Variants in BEST3 observed in about 807,000 individuals in gnomAD.
BEST3 encodes the protein bestrophin-3.
BEST3 carries 50 observed loss-of-function variants against 47.1 expected under a neutral mutation model. The ratio of observed to expected loss-of-function variants is 1.06; its 90% CI spans 0.85 to 1.34. The LOEUF (loss-of-function observed/expected upper bound fraction) is 1.34. Among genes scored for constraint, BEST3 ranks in the 40% most tolerant of loss-of-function variants. BEST3 has a pLI of 0.00. For missense variants in BEST3, 765 were observed against 817.0 expected (o/e 0.94, Z 0.78); for synonymous variants, 282 against 298.8 (o/e 0.94, Z 0.58).
chr12:69,683,364 G>C (rs924084557), intron 4 of BEST3: 4 of 152,204 alleles, frequency 2.6e-5, no homozygotes, highest in Non-Finnish European at 5.9e-5. Flanking sequence ...ATTCCTTGCA[G>C]GGTCACACAT....
chr12:69,693,152 T>C (rs957723743), intron 4 of BEST3, among the ~76,000 whole-genome samples: 1 of 152,200 alleles, frequency 6.6e-6, no homozygotes, highest in Non-Finnish European at 1.5e-5. Context: ...CCATGTCTTA[T>C]TCATCTTTGT....
chr12:69,678,634 AACCAGGACTGAAC>A (rs1225852132), intron 5 of BEST3, 92 bp downstream of exon 5: 1 of 1,098,872 alleles, frequency 9.1e-7, no homozygotes, highest in East Asian at 2.4e-5. Flanking sequence ...GTTCCTCTGG[AACCAGGACTGAAC>A]AAAGCTGACT....
intron 9 of BEST3, among the ~76,000 whole-genome samples, chr12:69,669,365 T>A (rs1348046389): frequency 2.0e-5 from 3 of 152,194 alleles, no homozygotes; most frequent in Admixed American, 6.5e-5. Context: ...GAGTTAAACC[T>A]CTCACAAAAC....
intron 9 of BEST3, among the ~76,000 whole-genome samples, chr12:69,665,114 A>G (rs1414432796): frequency 2.7e-4 from 30 of 109,254 alleles, no homozygotes; most frequent in South Asian, 2.1e-3. Flanking sequence ...ATTCAGTAAA[A>G]GGGATGCCAA....
rs556841871 is a variant in BEST3, at chr12:69,654,399, T to G, written c.*508A>C. ...ACAATAATAGTTATAAAAGTAGGAA[T>G]GAGATGGTTAGAAAGCCTCAAACAA... On this transcript the variant is annotated 3_prime_UTR_variant, in exon 10 of 10. Coordinates refer to ENST00000330891, the MANE Select transcript of BEST3 (RefSeq NM_032735.3). 1.9e-5 allele frequency: 19 copies of G among 985,490 alleles called. No homozygotes were observed. In the African/African-American group the frequency reaches 3.3e-4, roughly 17 times the overall value. The allele number at this position is 985,490 out of a possible 1,614,324, so 61.0% of individuals were successfully genotyped here.
intron 9 of BEST3, among the ~76,000 whole-genome samples, chr12:69,663,331 T>C (rs1233446891): frequency 6.6e-6 from 1 of 152,252 alleles, no homozygotes; most frequent in Non-Finnish European, 1.5e-5. Flanking sequence ...AATTTAAGCA[T>C]TTAAAATTTC....
chr12:69,688,777 G>A (rs1885785066), intron 4 of BEST3, among the ~76,000 whole-genome samples: 1 of 152,164 alleles, frequency 6.6e-6, no homozygotes, highest in South Asian at 2.1e-4. Flanking sequence ...AAAGCCCATT[G>A]CTTCCCAGAG....
At chr12:69,643,871 G>A (rs1593119956) in intron 9 of BEST3, 1 of 570,468 alleles carries the variant, frequency 1.8e-6, no homozygotes, top group South Asian at 2.5e-5. Context: ...AACTCACAGA[G>A]TTGAATTCAC....
At chr12:69,656,280 C>A (rs982165312) in intron 9 of BEST3, among the ~76,000 whole-genome samples, 36 of 152,124 alleles carry the variant, frequency 2.4e-4, no homozygotes, top group African/African-American at 8.7e-4. Flanking sequence ...TCTTAGGGAT[C>A]CCCAGATATC....
intron 3 of BEST3, 23 bp downstream of exon 3, chr12:69,694,347 A>G (rs1468130973): frequency 6.8e-7 from 1 of 1,472,076 alleles, no homozygotes; most frequent in Non-Finnish European, 9.4e-7. Flanking sequence ...TGTGGCTGCA[A>G]TCTGCGTGTG....
At chr12:69,644,541 A>C (rs1882972450) in intron 9 of BEST3, among the ~76,000 whole-genome samples, 1 of 152,054 alleles carries the variant, frequency 6.6e-6, no homozygotes, top group Non-Finnish European at 1.5e-5. Context: ...AGAATAAGTA[A>C]CTCTATTTTA....
At chr12:69,679,914 C>CATGTGT (rs59652798) in intron 4 of BEST3, among the ~76,000 whole-genome samples, 5 of 150,140 alleles carry the variant, frequency 3.3e-5, no homozygotes, top group Admixed American at 6.6e-5. Context: ...TGTATGCATG[C>CATGTGT]GTGTGTGTGT....
intron 9 of BEST3, among the ~76,000 whole-genome samples, chr12:69,657,697 T>C (rs1744932532): frequency 6.6e-6 from 1 of 152,124 alleles, no homozygotes; most frequent in South Asian, 2.1e-4. Context: ...AAGGAGAACA[T>C]TGGGACAGTA....
chr12:69,678,954 A>AT, intron 4 of BEST3, 61 bp from the exon 5 acceptor site: 3 of 1,315,678 alleles, frequency 2.3e-6, no homozygotes, highest in Non-Finnish European at 3.2e-6. Context: ...ATACGTTACC[A>AT]TATTTCAGCA....
intron 2 of BEST3, 79 bp from the exon 3 acceptor site, chr12:69,694,543 CA>C (rs1886064304): frequency 8.3e-6 from 5 of 599,560 alleles, no homozygotes; most frequent in Non-Finnish European, 1.3e-5. Context: ...TAAGTGCAAA[CA>C]ATTAAGCACA....
intron 8 of BEST3, 110 bp from the exon 9 acceptor site, chr12:69,671,689 G>A (rs1250696940): frequency 2.1e-6 from 2 of 942,360 alleles, no homozygotes; most frequent in African/African-American, 3.3e-5. Context: ...GTCTAAATGA[G>A]TGAATATACA....
intron 7 of BEST3, among the ~76,000 whole-genome samples, chr12:69,673,878 C>A (rs1375235761): frequency 3.3e-5 from 5 of 152,132 alleles, no homozygotes; most frequent in African/African-American, 1.2e-4. Flanking sequence ...AGTTTTCCTG[C>A]CGGGAAAATG....
In BEST3 at chr12:69,688,365, C is replaced by T. The variant is rs1667305527; in HGVS notation, c.481+5309G>A. 2.6e-5 allele frequency among the ~76,000 whole-genome samples: 4 copies of T among 152,210 alleles called. No homozygotes were observed. In the South Asian group the frequency reaches 8.3e-4, roughly 32 times the overall value. ...TCTCTGATAAATAACTGATCACAGA[C>T]CAGTTCAGGGACTTTTCAGCATAAT... is the stretch of plus-strand genomic sequence containing the variant. On this transcript the variant is annotated intron_variant, in intron 4 of 9. Coordinates refer to ENST00000330891, the MANE Select transcript of BEST3 (RefSeq NM_032735.3).
rs759429996 is a variant in BEST3, at chr12:69,693,854, G to C, written c.301C>G (p.Pro101Ala). Reference sequence around the variant, plus strand: ...AGGAACATTAGCCTGTCTGGCCAGGGCAAATTCACAAACTGGTTCCACCAT... The same window carrying C: ...AGGAACATTAGCCTGTCTGGCCAGGCCAAATTCACAAACTGGTTCCACCAT... Reference protein sequence around the residue: ...NRWWNQFVNLPWPDRLMFLIS... With the variant: ...NRWWNQFVNLAWPDRLMFLIS... The change falls in exon 4 of 10, where the codon CCC becomes GCC. Residue 101 changes from proline (P) to alanine (A), a missense_variant. Coordinates refer to ENST00000330891, the MANE Select transcript of BEST3 (RefSeq NM_032735.3). The C allele has an allele frequency of 4.3e-6, 7 of 1,613,570 alleles. No homozygotes were observed. Among genetic ancestry groups the C allele is most frequent in the Non-Finnish European group, 5.1e-6 (6 of 1,179,758 alleles).
Sources: gnomAD v4.1 joint callset for allele counts (sites outside exome capture counted in the v4.1 genomes callset) on GRCh38, gnomAD v4.1.1 for gene constraint, MANE v1.5 for transcripts, NCBI Gene and HGNC (gene_info 2026-07-23, HGNC 2026-07-21) for gene names.